The following RPF2 variants were observed in gnomAD, a reference collection of about 807,000 sequenced individuals.
The protein encoded by RPF2 is ribosome production factor 2 homolog.
Under a neutral mutation model 38.9 loss-of-function variants are expected in RPF2, and 21 were observed. That is an observed-to-expected ratio of 0.54 (90% CI 0.38 to 0.78). The LOEUF (loss-of-function observed/expected upper bound fraction) is 0.78. RPF2 is among the 30% of genes least tolerant of loss of function. The probability of loss-of-function intolerance (pLI) is 0.00; values close to 1 mark genes in which losing one functional copy is unlikely to be tolerated. For missense variants in RPF2, 314 were observed against 358.1 expected (o/e 0.88, Z 0.99); for synonymous variants, 121 against 126.2 (o/e 0.96, Z 0.28).
chr6:111,017,111 T>C (rs1772129673), intron 8 of RPF2, among the ~76,000 whole-genome samples: 1 of 152,208 alleles, frequency 6.6e-6, no homozygotes, highest in Admixed American at 6.5e-5. Context: ...ACAATCTGAT[T>C]TCTCTATCTT....
chr6:111,003,089 CT>C (rs1188480263), intron 6 of RPF2, among the ~76,000 whole-genome samples: 20 of 136,844 alleles, frequency 1.5e-4, no homozygotes, highest in Middle Eastern at 3.5e-3. Flanking sequence ...ACCCCCCCCC[CT>C]TTTTTTTTCT....
rs1036022630 is a variant in RPF2, at chr6:111,026,780, C to G, written c.*1198C>G. ...GAATAGGGTGTTAAGTTCCTTGATT[C>G]AGTCCTTGACAAGGAATCTCCTTTA... On this transcript the variant is annotated 3_prime_UTR_variant, in exon 10 of 10. Coordinates refer to ENST00000441448, the MANE Select transcript of RPF2 (RefSeq NM_032194.3). The G allele has an allele frequency of 6.6e-6, 1 of 152,344 alleles. No individual in the cohort carries two copies. The highest frequency in any genetic ancestry group is 2.4e-5 in the African/African-American group (1 of 41,582). The allele number at this position is 152,344 out of a possible 1,614,324, so 9.4% of individuals were successfully genotyped here.
intron 7 of RPF2, among the ~76,000 whole-genome samples, chr6:111,008,898 C>CTTTTTTTTTTTTTTTTTTTTTTTTTTTTT (rs57167034): frequency 1.7e-5 from 2 of 120,438 alleles, no homozygotes; most frequent in Non-Finnish European, 3.4e-5. Context: ...TTCCTGGCTC[C>CTTTTTTTTTTTTTTTTTTTTTTTTTTTTT]TTTTTTTTTT....
chr6:110,991,238 A>G (rs1178681363), intron 3 of RPF2, among the ~76,000 whole-genome samples: 1 of 152,082 alleles, frequency 6.6e-6, no homozygotes, highest in Non-Finnish European at 1.5e-5. Context: ...GTAAATAGTT[A>G]TAATGCTGTA....
intron 6 of RPF2, among the ~76,000 whole-genome samples, chr6:111,003,603 A>C (rs1562370725): frequency 6.6e-6 from 1 of 152,154 alleles, no homozygotes; most frequent in East Asian, 1.9e-4. Context: ...TCAAAGGATG[A>C]TTATATTCAA....
At chr6:110,991,716 A>T in intron 3 of RPF2, 31 bp from the exon 4 acceptor site, 1 of 872,002 alleles carries the variant, frequency 1.1e-6, no homozygotes, top group Non-Finnish European at 1.7e-6. Context: ...TATTTAGATT[A>T]TTAAAATTGT....
At chr6:110,982,256 TCAC>T (rs1169594457) in intron 1 of RPF2, 127 bp downstream of exon 1, 2 of 1,081,400 alleles carry the variant, frequency 1.8e-6, no homozygotes, top group Non-Finnish European at 2.8e-6. Flanking sequence ...GGCCGATCGA[TCAC>T]CAGCCCGGGT....
chr6:110,989,313 G>A (rs1771577912), intron 3 of RPF2, among the ~76,000 whole-genome samples: 1 of 151,998 alleles, frequency 6.6e-6, no homozygotes, highest in Non-Finnish European at 1.5e-5. Flanking sequence ...CAAAAATAAT[G>A]CAGAATTCCC....
chr6:111,011,549 A>G (rs979161891), intron 7 of RPF2, among the ~76,000 whole-genome samples: 2 of 152,038 alleles, frequency 1.3e-5, no homozygotes, highest in Non-Finnish European at 2.9e-5. Context: ...TGGCCTCCCA[A>G]AAGTGCTGAG....
At position 111,025,644 on chromosome 6, in the gene RPF2, A is replaced by G. The variant is rs1285444506; in HGVS notation, c.*62A>G. On this transcript the variant is annotated 3_prime_UTR_variant, in exon 10 of 10. Transcript: ENST00000441448. ...TACTTAAGAGAATTATCAAGCGTCA[A>G]TCCATTCAGAGTTTCTTATAAGATC... The G allele has an allele frequency of 1.4e-5, 17 of 1,217,178 alleles. No homozygotes were observed. Among genetic ancestry groups the G allele is most frequent in the South Asian group, 6.0e-5 (4 of 66,510 alleles). The allele number at this position is 1,217,178 out of a possible 1,614,324, so 75.4% of individuals were successfully genotyped here.
At chr6:111,007,790 C>CA (rs1268906524) in intron 6 of RPF2, among the ~76,000 whole-genome samples, 1 of 151,342 alleles carries the variant, frequency 6.6e-6, no homozygotes, top group African/African-American at 2.4e-5. Flanking sequence ...AAGAAAAATA[C>CA]AAAAAAACTA....
chr6:111,015,917 C>G (rs1772100838), intron 8 of RPF2, 61 bp downstream of exon 8: 1 of 1,294,726 alleles, frequency 7.7e-7, no homozygotes, highest in Non-Finnish European at 1.1e-6. Flanking sequence ...AACTGTGTGA[C>G]TGTTTTTTAG....
chr6:111,016,987 C>T (rs1772126897), intron 8 of RPF2, among the ~76,000 whole-genome samples: 1 of 152,160 alleles, frequency 6.6e-6, no homozygotes, highest in African/African-American at 2.4e-5. Context: ...TTTCAGAGAG[C>T]ACCGGCTTGG....
chr6:111,025,447 T>G lies in RPF2; in HGVS notation c.786T>G (p.Thr262=), dbSNP rs1239449796. Residue 262 remains threonine, a synonymous_variant, in exon 10 of 10, where the codon ACT becomes ACG. Transcript: ENST00000441448. Reference sequence around the variant, plus strand: ...TTTCCCATGATACTTTTGGTACAACTTATGGAAGGATTCATATGCAGAAGC... The same window carrying G: ...TTTCCCATGATACTTTTGGTACAACGTATGGAAGGATTCATATGCAGAAGC... The part of the protein sequence containing the change: ...KNISHDTFGT[T]YGRIHMQKQD... The G allele has an allele frequency of 6.2e-7, 1 of 1,612,278 alleles. No homozygotes were observed.
At chr6:111,013,552 G>A (rs1030901585) in intron 7 of RPF2, among the ~76,000 whole-genome samples, 8 of 152,198 alleles carry the variant, frequency 5.3e-5, no homozygotes, top group African/African-American at 1.9e-4. Context: ...CATAGTCTTA[G>A]AAATTTTGAC....
intron 8 of RPF2, 78 bp from the exon 9 acceptor site, chr6:111,024,105 C>A: frequency 8.0e-7 from 1 of 1,256,354 alleles, no homozygotes; most frequent in Non-Finnish European, 1.1e-6. Flanking sequence ...AATTGTAAAT[C>A]CCCTGAACAA....
intron 8 of RPF2, among the ~76,000 whole-genome samples, chr6:111,017,090 C>T (rs1197564503): frequency 6.6e-6 from 1 of 152,246 alleles, no homozygotes; most frequent in Non-Finnish European, 1.5e-5. Context: ...TCTTTCTACA[C>T]AGACACAGCA....
chr6:111,024,945 A>T (rs1772297563), intron 9 of RPF2, among the ~76,000 whole-genome samples: 1 of 152,258 alleles, frequency 6.6e-6, no homozygotes, highest in Admixed American at 6.5e-5. Context: ...GATTTAGAGT[A>T]CAGGGTATAT....
chr6:110,983,825 C>G (rs903732102), intron 1 of RPF2, among the ~76,000 whole-genome samples: 4 of 151,712 alleles, frequency 2.6e-5, no homozygotes, highest in Non-Finnish European at 1.5e-5. Flanking sequence ...GTCAGGAGAT[C>G]GAGACCATCC....
Sources: gnomAD v4.1 joint callset for allele counts (sites outside exome capture counted in the v4.1 genomes callset) on GRCh38, gnomAD v4.1.1 for gene constraint, MANE v1.5 for transcripts, NCBI Gene and HGNC (gene_info 2026-07-23, HGNC 2026-07-21) for gene names.